The following KCTD16 variants were observed in gnomAD, a reference collection of about 807,000 sequenced individuals.
The protein encoded by KCTD16 is potassium channel tetramerization domain containing 16.
Under a neutral mutation model 33.2 loss-of-function variants are expected in KCTD16, and 13 were observed. The ratio of observed to expected loss-of-function variants is 0.39; its 90% CI spans 0.25 to 0.62. The LOEUF (loss-of-function observed/expected upper bound fraction) is 0.62, where lower values mean the gene tolerates loss of function less well. Among genes scored for constraint, KCTD16 ranks in the 20% least tolerant of loss-of-function variants. The pLI, the probability that KCTD16 is intolerant of heterozygous loss-of-function variation, is 0.50. For synonymous variants in KCTD16, 197 were observed against 195.3 expected (o/e 1.01, Z -0.07); for missense variants, 441 against 525.1 (o/e 0.84, Z 1.57).
chr5:144,327,190 A>G (rs1580875331), intron 3 of KCTD16, among the ~76,000 whole-genome samples: 1 of 152,170 alleles, frequency 6.6e-6, no homozygotes, highest in Admixed American at 6.6e-5. Context: ...GCTACATAAT[A>G]TTGGTGGCCT....
At chr5:144,343,892 A>G (rs1462517590) in intron 3 of KCTD16, among the ~76,000 whole-genome samples, 1 of 152,114 alleles carries the variant, frequency 6.6e-6, no homozygotes, top group Non-Finnish European at 1.5e-5. Flanking sequence ...AGCGGTTTTG[A>G]GTGAGTTTCT....
chr5:144,183,430 C>T (rs1311703357), intron 2 of KCTD16, among the ~76,000 whole-genome samples: 2 of 152,080 alleles, frequency 1.3e-5, no homozygotes, highest in East Asian at 1.9e-4. Flanking sequence ...CTCTCCTTTT[C>T]GTCTCTACAA....
intron 3 of KCTD16, among the ~76,000 whole-genome samples, chr5:144,317,919 A>T (rs1230420702): frequency 6.6e-6 from 1 of 152,156 alleles, no homozygotes; most frequent in Non-Finnish European, 1.5e-5. Flanking sequence ...AGATTTATTC[A>T]TCTGTATTTC....
At position 144,207,038 on chromosome 5, in the gene KCTD16, G is replaced by T; in HGVS notation, c.324G>T (p.Arg108Ser). The change falls in exon 3 of 4, where the codon AGG becomes AGT. Residue 108 changes from arginine (R) to serine (S), a missense_variant. Transcript: ENST00000512467. Reference sequence around the variant, plus strand: ...TTCCAGAAAAAGGAAGACTGAAAAGGGAAGCTGAATACTTCCAGCTCCCAG... The same window carrying T: ...TTCCAGAAAAAGGAAGACTGAAAAGTGAAGCTGAATACTTCCAGCTCCCAG... ...DHFPEKGRLK[R>S]EAEYFQLPDL... 6.2e-7 allele frequency: 1 copy of T among 1,614,088 alleles called. No homozygotes were observed. The highest frequency in any genetic ancestry group is 8.5e-7 in the Non-Finnish European group (1 of 1,180,022).
At chr5:144,214,507 T>G (rs575658726) in intron 3 of KCTD16, among the ~76,000 whole-genome samples, 6 of 152,316 alleles carry the variant, frequency 3.9e-5, no homozygotes, top group African/African-American at 1.4e-4. Context: ...TCGCTTCTGC[T>G]TCCCTCCTCA....
chr5:144,276,307 T>C (rs939750821), intron 3 of KCTD16, among the ~76,000 whole-genome samples: 1 of 152,208 alleles, frequency 6.6e-6, no homozygotes, highest in South Asian at 2.1e-4. Flanking sequence ...CCTATATTAA[T>C]GTTTATAGCT....
intron 3 of KCTD16, among the ~76,000 whole-genome samples, chr5:144,320,395 A>T (rs1752040409): frequency 1.3e-5 from 2 of 152,152 alleles, no homozygotes; most frequent in South Asian, 4.1e-4. Flanking sequence ...AAAGAAAGAA[A>T]AGCTCTTTGG....
intron 3 of KCTD16, among the ~76,000 whole-genome samples, chr5:144,464,395 C>T (rs79967769): frequency 6.6e-6 from 1 of 151,962 alleles, no homozygotes; most frequent in East Asian, 1.9e-4. Context: ...GCAATTTTAC[C>T]CCTAGGGGAC....
At chr5:144,371,655 G>A (rs902035258) in intron 3 of KCTD16, among the ~76,000 whole-genome samples, 3 of 151,936 alleles carry the variant, frequency 2.0e-5, no homozygotes, top group South Asian at 4.2e-4. Context: ...TTATCTTTAG[G>A]TTAGGTTCTG....
intron 3 of KCTD16, among the ~76,000 whole-genome samples, chr5:144,333,756 T>A (rs1245374419): frequency 6.6e-6 from 1 of 152,136 alleles, no homozygotes; most frequent in Non-Finnish European, 1.5e-5. Context: ...AAGATGTAAG[T>A]GATTTTCATG....
intron 3 of KCTD16, among the ~76,000 whole-genome samples, chr5:144,282,681 T>C: frequency 6.6e-6 from 1 of 152,170 alleles, no homozygotes; most frequent in East Asian, 1.9e-4. Flanking sequence ...AAAAGCACTT[T>C]GGTTTTTCCT....
chr5:144,268,485 C>G (rs1561548380), intron 3 of KCTD16, among the ~76,000 whole-genome samples: 1 of 152,120 alleles, frequency 6.6e-6, no homozygotes, highest in Non-Finnish European at 1.5e-5. Flanking sequence ...TAGAAAGTAA[C>G]TGCACATGCA....
intron 3 of KCTD16, among the ~76,000 whole-genome samples, chr5:144,210,054 A>C (rs1251812541): frequency 1.3e-5 from 2 of 151,846 alleles, no homozygotes; most frequent in African/African-American, 4.8e-5. Flanking sequence ...ATTAGTGCAT[A>C]GCATGATGGT....
intron 3 of KCTD16, among the ~76,000 whole-genome samples, chr5:144,314,699 A>G (rs1453634868): frequency 2.0e-5 from 3 of 152,196 alleles, no homozygotes; most frequent in Admixed American, 1.3e-4. Context: ...TAGGGACTTC[A>G]TTATTTTATT....
chr5:144,199,707 ATTTT>A (rs574670606), intron 2 of KCTD16, among the ~76,000 whole-genome samples: 1 of 67,738 alleles, frequency 1.5e-5, no homozygotes, highest in African/African-American at 6.0e-5. Flanking sequence ...GAACAGCTTC[ATTTT>A]TTTTTTTTTT....
intron 3 of KCTD16, among the ~76,000 whole-genome samples, chr5:144,370,665 A>C (rs1350392531): frequency 6.6e-6 from 1 of 152,226 alleles, no homozygotes; most frequent in African/African-American, 2.4e-5. Flanking sequence ...CTTTAGGCAT[A>C]TATTTAGGGA....
intron 3 of KCTD16, among the ~76,000 whole-genome samples, chr5:144,406,266 A>G (rs74615001): frequency 0.019 from 2,929 of 152,288 alleles, 37 homozygotes; most frequent in Non-Finnish European, 0.026. Context: ...CTGAGCGGCA[A>G]TGATTTATGT....
At chr5:144,234,696 T>C (rs1461095225) in intron 3 of KCTD16, among the ~76,000 whole-genome samples, 1 of 152,090 alleles carries the variant, frequency 6.6e-6, no homozygotes, top group East Asian at 1.9e-4. Context: ...TTGTAAGCCT[T>C]AAATAAAATG....
At chr5:144,219,103 G>A (rs915573579) in intron 3 of KCTD16, among the ~76,000 whole-genome samples, 1 of 152,198 alleles carries the variant, frequency 6.6e-6, no homozygotes, top group Non-Finnish European at 1.5e-5. Context: ...AGGGGGATGA[G>A]GAAGCTTCTC....
Sources: allele counts gnomAD v4.1 joint callset (sites outside exome capture counted in the v4.1 genomes callset), GRCh38; gene constraint gnomAD v4.1.1; transcripts MANE v1.5; gene names NCBI Gene and HGNC (gene_info 2026-07-23, HGNC 2026-07-21).